CNTNAP2: variants seen among roughly 807,000 people sequenced by gnomAD.
CNTNAP2 encodes the protein contactin associated protein 2.
Under a neutral mutation model 155.2 loss-of-function variants are expected in CNTNAP2, and 98 were observed. The observed-to-expected ratio is 0.63, with a 90% confidence interval of 0.54 to 0.75. CNTNAP2 has a LOEUF of 0.75. Ranked by LOEUF, CNTNAP2 falls within the 30% of genes least tolerant of loss-of-function variation. CNTNAP2 has a pLI of 0.00. For synonymous variants in CNTNAP2, 651 were observed against 631.2 expected (o/e 1.03, Z -0.47); for missense variants, 1,727 against 1,688.1 (o/e 1.02, Z -0.40).
At chr7:147,897,697 G>T (rs993448768) in intron 13 of CNTNAP2, among the ~76,000 whole-genome samples, 3 of 152,186 alleles carry the variant, frequency 2.0e-5, no homozygotes, top group African/African-American at 7.2e-5. Flanking sequence ...CCAAGACCTA[G>T]TGTAGCTTTT....
intron 13 of CNTNAP2, among the ~76,000 whole-genome samples, chr7:147,799,840 G>GT (rs1202459269): frequency 6.6e-6 from 1 of 152,244 alleles, no homozygotes; most frequent in East Asian, 1.9e-4. Context: ...AAGTTATCAA[G>GT]TTTTTTTCAC....
rs532718319 is a variant in CNTNAP2 at position 147,489,895 on chromosome 7, A to G, written c.1777+3854A>G. Reference sequence around the variant, plus strand: ...CTCCCAAAGTGCTGGGATTACAGGCATGAGCCACCATGCCTGGCCAAACAT... The same window carrying G: ...CTCCCAAAGTGCTGGGATTACAGGCGTGAGCCACCATGCCTGGCCAAACAT... On this transcript the variant is annotated intron_variant, in intron 11 of 23. Transcript: ENST00000361727. Among the ~76,000 whole-genome samples the G allele has an allele frequency of 2.8e-4, 43 of 152,298 alleles. No individual in the cohort carries two copies. In the South Asian group the frequency reaches 7.9e-3, roughly 28 times the overall value.
chr7:147,017,902 T>C (rs1400560047), intron 3 of CNTNAP2, among the ~76,000 whole-genome samples: 6 of 152,088 alleles, frequency 3.9e-5, no homozygotes, highest in Admixed American at 3.9e-4. Context: ...AATTGGCTAA[T>C]AATGTCCTAT....
At chr7:147,576,615 G>A (rs954945251) in intron 12 of CNTNAP2, among the ~76,000 whole-genome samples, 1 of 152,074 alleles carries the variant, frequency 6.6e-6, no homozygotes, top group Admixed American at 6.6e-5. Flanking sequence ...AAAAGGTAAA[G>A]AGTTCACTAG....
At chr7:147,841,356 C>T (rs894565476) in intron 13 of CNTNAP2, among the ~76,000 whole-genome samples, 1 of 152,098 alleles carries the variant, frequency 6.6e-6, no homozygotes, top group Admixed American at 6.6e-5. Flanking sequence ...TTCTTTCAGG[C>T]TTTTGTCAGT....
chr7:146,350,591 C>A (rs1794898461), intron 1 of CNTNAP2, among the ~76,000 whole-genome samples: 1 of 151,642 alleles, frequency 6.6e-6, no homozygotes, highest in African/African-American at 2.4e-5. Context: ...GGACTGTAAA[C>A]TAATTCAACC....
intron 13 of CNTNAP2, among the ~76,000 whole-genome samples, chr7:147,761,248 C>T (rs560003610): frequency 9.6e-4 from 146 of 152,270 alleles, no homozygotes; most frequent in African/African-American, 2.9e-3. Context: ...CTGAAACTGA[C>T]GTGAATTTTT....
At chr7:147,956,259 T>C (rs1801014773) in intron 14 of CNTNAP2, among the ~76,000 whole-genome samples, 1 of 150,832 alleles carries the variant, frequency 6.6e-6, no homozygotes, top group African/African-American at 2.4e-5. Flanking sequence ...CCAAATGACC[T>C]TTGGAGAATA....
chr7:146,716,084 T>A (rs1171313910), intron 1 of CNTNAP2, among the ~76,000 whole-genome samples: 1 of 151,990 alleles, frequency 6.6e-6, no homozygotes, highest in Non-Finnish European at 1.5e-5. Context: ...GGAAAGAACA[T>A]GGGTTTTTGG....
chr7:147,605,483 A>C (rs933059623), intron 12 of CNTNAP2, among the ~76,000 whole-genome samples: 3 of 152,154 alleles, frequency 2.0e-5, no homozygotes, highest in Non-Finnish European at 4.4e-5. Context: ...CATGTCGAGC[A>C]AAGGTTACCT....
chr7:147,174,899 C>G (rs921684611), intron 8 of CNTNAP2, among the ~76,000 whole-genome samples: 1 of 152,006 alleles, frequency 6.6e-6, no homozygotes, highest in Non-Finnish European at 1.5e-5. Context: ...ATAGATCGCA[C>G]TATAAGAGAC....
At chr7:146,670,134 G>A (rs1208931232) in intron 1 of CNTNAP2, among the ~76,000 whole-genome samples, 3 of 152,050 alleles carry the variant, frequency 2.0e-5, no homozygotes, top group African/African-American at 7.2e-5. Context: ...TAATATTTTA[G>A]GAAGAACCAG....
At chr7:147,332,257 C>G in intron 9 of CNTNAP2, among the ~76,000 whole-genome samples, 1 of 152,128 alleles carries the variant, frequency 6.6e-6, no homozygotes, top group East Asian at 1.9e-4. Context: ...GGGTACCAAA[C>G]TTCAAGAAAA....
At position 146,890,677 on chromosome 7, in the gene CNTNAP2, GT is replaced by G. The variant is rs1795756767; in HGVS notation, c.402+50774del. On this transcript the variant is annotated intron_variant, in intron 3 of 23. Coordinates refer to ENST00000361727, the MANE Select transcript of CNTNAP2 (RefSeq NM_014141.6). ...TTAAATAAACCTAATCAAAATAAAT[GT>G]ATCTTGGTATTTACATCAGTCATTA... Among the ~76,000 whole-genome samples the G allele has an allele frequency of 2.6e-5, 4 of 152,212 alleles. No individual in the cohort carries two copies. In the South Asian group the frequency reaches 8.3e-4, roughly 32 times the overall value.
chr7:147,487,665 T>A (rs1798533846), intron 11 of CNTNAP2, among the ~76,000 whole-genome samples: 1 of 151,428 alleles, frequency 6.6e-6, no homozygotes, highest in South Asian at 2.1e-4. Context: ...ATTCTTTTTT[T>A]ATAACTGTTT....
intron 1 of CNTNAP2, among the ~76,000 whole-genome samples, chr7:146,748,797 C>T (rs1801855765): frequency 6.6e-6 from 1 of 152,094 alleles, no homozygotes; most frequent in Non-Finnish European, 1.5e-5. Context: ...AATTTCTATT[C>T]AAATTGGGTA....
chr7:146,761,339 T>A (rs1320628026), intron 1 of CNTNAP2, among the ~76,000 whole-genome samples: 2 of 144,484 alleles, frequency 1.4e-5, no homozygotes, highest in East Asian at 2.0e-4. Flanking sequence ...GGAAGGAAAA[T>A]AGGAAAGTGT....
At chr7:148,173,837 C>T (rs114620300) in intron 18 of CNTNAP2, among the ~76,000 whole-genome samples, 1,574 of 152,304 alleles carry the variant, frequency 0.01, 28 homozygotes, top group African/African-American at 0.035. Flanking sequence ...AAAGTAATGT[C>T]TGAATGCAAT....
At chr7:147,222,811 G>GTTTTTTTT (rs35654327) in intron 8 of CNTNAP2, among the ~76,000 whole-genome samples, 2 of 81,920 alleles carry the variant, frequency 2.4e-5, no homozygotes, top group African/African-American at 4.7e-5. Flanking sequence ...GTTTCTCAGG[G>GTTTTTTTT]TTTTTTTTTT....
Sources: gnomAD v4.1 joint callset for allele counts (sites outside exome capture counted in the v4.1 genomes callset) on GRCh38, gnomAD v4.1.1 for gene constraint, MANE v1.5 for transcripts, NCBI Gene and HGNC (gene_info 2026-07-23, HGNC 2026-07-21) for gene names.